TBC1D5: variants seen among roughly 807,000 people sequenced by gnomAD.
TBC1D5 encodes TBC1 domain family, member 5.
Under a neutral mutation model 100.3 loss-of-function variants are expected in TBC1D5, and 75 were observed. The ratio of observed to expected loss-of-function variants is 0.75; its 90% CI spans 0.62 to 0.91. The LOEUF (loss-of-function observed/expected upper bound fraction) is 0.91, where lower values mean the gene tolerates loss of function less well. Ranked by LOEUF, TBC1D5 falls within the 40% of genes least tolerant of loss-of-function variation. TBC1D5 has a pLI of 0.00. For missense variants in TBC1D5, 910 were observed against 942.4 expected (o/e 0.97, Z 0.45); for synonymous variants, 323 against 325.6 (o/e 0.99, Z 0.09).
intron 3 of TBC1D5, among the ~76,000 whole-genome samples, chr3:17,463,943 CTTTTTT>C (rs1025162858): frequency 2.7e-4 from 24 of 87,528 alleles, no homozygotes; most frequent in African/African-American, 1.1e-3. Context: ...TTCCTTATTC[CTTTTTT>C]TTTTTTTTTT....
At chr3:17,634,540 T>C (rs1056243887) in intron 1 of TBC1D5, among the ~76,000 whole-genome samples, 3 of 147,266 alleles carry the variant, frequency 2.0e-5, no homozygotes, top group Non-Finnish European at 3.0e-5. Flanking sequence ...ATTGAACCCA[T>C]GGAGGTAGAA....
At chr3:17,641,327 T>C (rs1379139313) in intron 1 of TBC1D5, among the ~76,000 whole-genome samples, 3 of 152,098 alleles carry the variant, frequency 2.0e-5, no homozygotes, top group African/African-American at 4.8e-5. Context: ...ATGGTGGCTA[T>C]TGGTTTCATG....
At chr3:17,706,333 G>T in intron 1 of TBC1D5, 1 of 1,342,352 alleles carries the variant, frequency 7.4e-7, no homozygotes, top group Non-Finnish European at 1.0e-6. Context: ...ATACCTTTGT[G>T]AAAGAGCACA....
intron 2 of TBC1D5, among the ~76,000 whole-genome samples, chr3:17,541,009 T>C (rs1430514440): frequency 1.3e-5 from 2 of 151,830 alleles, no homozygotes; most frequent in South Asian, 2.1e-4. Flanking sequence ...TTCTGTTTCA[T>C]TGGTCTATAT....
intron 1 of TBC1D5, among the ~76,000 whole-genome samples, chr3:17,706,964 G>A (rs1170596493): frequency 6.6e-6 from 1 of 151,404 alleles, no homozygotes; most frequent in Non-Finnish European, 1.5e-5. Flanking sequence ...ATCTACAAGG[G>A]TAAATAAAAA....
intron 15 of TBC1D5, among the ~76,000 whole-genome samples, chr3:17,280,023 A>G (rs2080408967): frequency 6.6e-6 from 1 of 152,250 alleles, no homozygotes; most frequent in African/African-American, 2.4e-5. Flanking sequence ...GGAGGTAATT[A>G]GTCACTATTC....
intron 2 of TBC1D5, among the ~76,000 whole-genome samples, chr3:17,572,870 G>T (rs139123296): frequency 1.3e-5 from 2 of 152,106 alleles, no homozygotes; most frequent in East Asian, 3.9e-4. Flanking sequence ...ATTTATCCAA[G>T]GACTTCTCCT....
intron 1 of TBC1D5, among the ~76,000 whole-genome samples, chr3:17,698,379 T>C (rs1440195941): frequency 6.6e-6 from 1 of 151,564 alleles, no homozygotes; most frequent in Non-Finnish European, 1.5e-5. Flanking sequence ...TTACACCTTA[T>C]ACAAAAATCA....
chr3:17,706,203 G>T, intron 1 of TBC1D5: 1 of 1,551,992 alleles, frequency 6.4e-7, no homozygotes, highest in African/African-American at 1.4e-5. Context: ...CTCCGGCATC[G>T]CGGCGAGGCC....
At chr3:17,411,502 A>T (rs1426427623) in intron 4 of TBC1D5, among the ~76,000 whole-genome samples, 3 of 152,188 alleles carry the variant, frequency 2.0e-5, no homozygotes, top group Non-Finnish European at 4.4e-5. Flanking sequence ...TTTTGAACCC[A>T]AAAGGAATCA....
In TBC1D5 at chr3:17,308,094, G is replaced by A. The variant is rs757033330; in HGVS notation, c.1036C>T (p.Gln346Ter). The A allele has an allele frequency of 1.2e-6, 2 of 1,606,016 alleles. No homozygotes were observed. Among genetic ancestry groups the A allele is most frequent in the Non-Finnish European group, 1.7e-6 (2 of 1,178,168 alleles). ...GCATCCCAGACCACCAGAAGGTCCT[G>A]CAGGGGGAACTCTCGTCCAAATAGC... The change falls in exon 14 of 22, where the codon CAG (glutamine) becomes TAG (stop). Residue 346 changes from glutamine (Q) to a stop codon, truncating the protein, a stop_gained. Coordinates refer to ENST00000253692, the Ensembl canonical transcript of TBC1D5. LOFTEE classifies it high-confidence loss of function.
chr3:17,508,868 T>C (rs2095871832), intron 2 of TBC1D5, among the ~76,000 whole-genome samples: 1 of 152,174 alleles, frequency 6.6e-6, no homozygotes, highest in Non-Finnish European at 1.5e-5. Context: ...TTTCAATAAA[T>C]AAGCTAAATT....
intron 4 of TBC1D5, among the ~76,000 whole-genome samples, chr3:17,409,258 T>C (rs1434676217): frequency 6.6e-6 from 1 of 152,158 alleles, no homozygotes; most frequent in Non-Finnish European, 1.5e-5. Context: ...TATGGGGATA[T>C]GTGATCAGTG....
chr3:17,345,197 T>C (rs1575445422), intron 13 of TBC1D5, among the ~76,000 whole-genome samples: 1 of 152,008 alleles, frequency 6.6e-6, no homozygotes, highest in South Asian at 2.1e-4. Flanking sequence ...ATCCAGAATC[T>C]ACAATGAACT....
At chr3:17,673,862 C>T (rs2068279181) in intron 1 of TBC1D5, among the ~76,000 whole-genome samples, 1 of 152,048 alleles carries the variant, frequency 6.6e-6, no homozygotes, top group African/African-American at 2.4e-5. Context: ...AGATCTCATG[C>T]TTTTATTTCA....
At chr3:17,659,357 A>G (rs558977418) in intron 1 of TBC1D5, among the ~76,000 whole-genome samples, 1 of 152,260 alleles carries the variant, frequency 6.6e-6, no homozygotes, top group East Asian at 1.9e-4. Flanking sequence ...ATAAGATCTA[A>G]CCAGAATAAG....
chr3:17,524,343 A>C (rs1160222857), intron 2 of TBC1D5, among the ~76,000 whole-genome samples: 1 of 152,218 alleles, frequency 6.6e-6, no homozygotes, highest in Non-Finnish European at 1.5e-5. Flanking sequence ...AAAAAGTGCA[A>C]GTTTAGGAAG....
intron 1 of TBC1D5, among the ~76,000 whole-genome samples, chr3:17,682,123 G>C (rs1291129521): frequency 6.6e-6 from 1 of 151,358 alleles, no homozygotes; most frequent in Non-Finnish European, 1.5e-5. Context: ...TGCTGAATTA[G>C]AAGATTTACA....
chr3:17,439,578 T>TA (rs1464300482), intron 3 of TBC1D5, among the ~76,000 whole-genome samples: 1 of 152,052 alleles, frequency 6.6e-6, no homozygotes, highest in East Asian at 1.9e-4. Context: ...TTCCTTCAAA[T>TA]AAAAAAATTC....
Sources: gnomAD v4.1 joint callset for allele counts (sites outside exome capture counted in the v4.1 genomes callset) on GRCh38, gnomAD v4.1.1 for gene constraint, MANE v1.5 for transcripts, NCBI Gene and HGNC (gene_info 2026-07-23, HGNC 2026-07-21) for gene names.